Variants in CRB1 observed in about 807,000 individuals in gnomAD.
CRB1 encodes the protein protein crumbs homolog 1.
In CRB1, 83 loss-of-function variants were observed where a neutral mutation model predicts 120.0. The ratio of observed to expected loss-of-function variants is 0.69; its 90% confidence interval spans 0.58 to 0.83. The LOEUF is 0.83. Ranked by LOEUF, CRB1 falls within the 40% of genes least tolerant of loss-of-function variation. The pLI is 0.00. For missense variants in CRB1, 1,699 were observed against 1,687.6 expected, an observed-to-expected ratio of 1.01 and a Z score of -0.12; for synonymous variants, 625 against 612.5, an observed-to-expected ratio of 1.02 and a Z score of -0.30.
At chr1:197,275,281 C>G (rs985841754) in intron 1 of CRB1, among the ~76,000 whole-genome samples, 1 of 151,928 alleles carries the variant, frequency 6.6e-6, no homozygotes, top group Non-Finnish European at 1.5e-5. Flanking sequence ...TCTGACATAC[C>G]TTGGGGACAC....
intron 1 of CRB1, among the ~76,000 whole-genome samples, chr1:197,277,702 A>C (rs958348202): frequency 6.6e-6 from 1 of 151,992 alleles, no homozygotes; most frequent in African/African-American, 2.4e-5. Flanking sequence ...ATTAATTTTT[A>C]TATGAGTTGT....
At chr1:197,405,920 G>T (rs781137436) in intron 5 of CRB1, among the ~76,000 whole-genome samples, 1 of 151,004 alleles carries the variant, frequency 6.6e-6, no homozygotes, top group African/African-American at 2.4e-5. Context: ...GTCAGCCCCC[G>T]CCAGGCCAGC....
Position 197,427,459 on chromosome 1 carries a change from G to A in CRB1, c.2134G>A (p.Val712Met). 1.2e-6 allele frequency: 2 copies of A among 1,613,476 alleles called. No individual in the cohort carries two copies. Among genetic ancestry groups the A allele is most frequent in the Non-Finnish European group, 1.7e-6 (2 of 1,179,678 alleles). Residue 712 changes from valine (V) to methionine (M), a missense_variant, in exon 7 of 12, where the codon GTG becomes ATG. Physicochemically the swap from Val to Met is conservative, Grantham distance 21 (BLOSUM62 1). Transcript: ENST00000367400. ...CCTCTATTTTGACATTGAAGAGTAT[G>A]TGGCAGGCAGATTTGGCCAGGATGA... ...YEGPNCLREYVAGRFGQDDST... is the reference protein window; with the variant it reads ...YEGPNCLREYMAGRFGQDDST...
the CRB1 span, among the ~76,000 whole-genome samples, chr1:197,254,937 T>G: frequency 6.6e-6 from 1 of 152,112 alleles, no homozygotes; most frequent in Admixed American, 6.6e-5. Context: ...GGGTCTAATT[T>G]TTTTCATGTG....
chr1:197,368,461 T>C lies in CRB1; in HGVS notation c.1171+11448T>C, dbSNP rs564326385. On this transcript the variant is annotated intron_variant, in intron 5 of 11. Coordinates refer to ENST00000367400, the MANE Select transcript of CRB1 (RefSeq NM_201253.3). Reference sequence around the variant, plus strand: ...ACGCTTGTACTCCTTTTGATTTTACTATGTTAGCTGCAATAACTAGGACAG... The same window carrying C: ...ACGCTTGTACTCCTTTTGATTTTACCATGTTAGCTGCAATAACTAGGACAG... 7.0e-4 allele frequency among the ~76,000 whole-genome samples: 106 copies of C among 152,356 alleles called. 1 individual carries two copies. The highest frequency in any genetic ancestry group is 2.5e-3 in the African/African-American group (104 of 41,582).
At chr1:197,397,612 G>T (rs1052487068) in intron 5 of CRB1, among the ~76,000 whole-genome samples, 2 of 152,108 alleles carry the variant, frequency 1.3e-5, no homozygotes, top group African/African-American at 4.8e-5. Flanking sequence ...TCTTGCAATT[G>T]AATGCTACTC....
intron 4 of CRB1, among the ~76,000 whole-genome samples, chr1:197,353,831 A>AC (rs1189526037): frequency 6.6e-6 from 1 of 150,666 alleles, no homozygotes; most frequent in East Asian, 1.9e-4. Flanking sequence ...AAAAAAAAAA[A>AC]AAAAAACTTT....
At chr1:197,315,749 T>G (rs560021264) in intron 1 of CRB1, among the ~76,000 whole-genome samples, 1 of 152,384 alleles carries the variant, frequency 6.6e-6, no homozygotes, top group South Asian at 2.1e-4. Context: ...GTTCAGTTTA[T>G]TCAAAGTAAC....
chr1:197,334,566 A>G (rs1370824380), intron 2 of CRB1, among the ~76,000 whole-genome samples: 1 of 152,194 alleles, frequency 6.6e-6, no homozygotes, highest in African/African-American at 2.4e-5. Flanking sequence ...TGCAGCCTTC[A>G]TGGCACCATC....
Position 197,438,608 on chromosome 1 carries a change from G to A in CRB1, c.3811G>A (p.Gly1271Arg). The A allele has an allele frequency of 1.9e-6, 3 of 1,613,026 alleles. No homozygotes were observed. Among genetic ancestry groups the A allele is most frequent in the Non-Finnish European group, 2.5e-6 (3 of 1,179,170 alleles). Residue 1271 changes from glycine to arginine, a missense_variant, in exon 10 of 12, where the codon GGA becomes AGA. Gly to Arg is a moderately radical substitution (Grantham distance 125, BLOSUM62 -2). Transcript: ENST00000367400. ...NEKTNLTCYN[G>R]GNCTEFQTEL... ...GAAGACAAATCTCACTTGCTACAAT[G>A]GAGGCAACTGCACAGAGTTCCAGAC...
At chr1:197,266,359 A>T (rs779723824), upstream of CRB1, among the ~76,000 whole-genome samples, 2 of 152,082 alleles carry the variant, frequency 1.3e-5, no homozygotes, top group Non-Finnish European at 2.9e-5. Context: ...AGGGGCAAAT[A>T]AACTCCCTCA....
At chr1:197,432,393 CACACACACACAT>C (rs1321992071) in intron 8 of CRB1, among the ~76,000 whole-genome samples, 282 of 146,896 alleles carry the variant, frequency 1.9e-3, no homozygotes, top group African/African-American at 6.7e-3. Context: ...CACACACACA[CACACACACACAT>C]AGTAAAAAAC....
At chr1:197,355,920 G>A (rs563819876) in intron 4 of CRB1, among the ~76,000 whole-genome samples, 8 of 152,314 alleles carry the variant, frequency 5.3e-5, no homozygotes, top group South Asian at 4.1e-4. Flanking sequence ...CAGAGCGAGC[G>A]AGGGCTGCGA....
At chr1:197,339,869 T>C (rs1365069511) in intron 2 of CRB1, among the ~76,000 whole-genome samples, 2 of 152,222 alleles carry the variant, frequency 1.3e-5, no homozygotes, top group African/African-American at 4.8e-5. Context: ...GCTTTTGATT[T>C]ATGGCTTGTG....
At chr1:197,302,812 G>A (rs1202418417) in intron 1 of CRB1, among the ~76,000 whole-genome samples, 1 of 152,146 alleles carries the variant, frequency 6.6e-6, no homozygotes, top group East Asian at 1.9e-4. Context: ...ATCTGCTAGT[G>A]TTAGAAAACA....
At chr1:197,206,608 T>G in the CRB1 span, among the ~76,000 whole-genome samples, 3 of 152,102 alleles carry the variant, frequency 2.0e-5, no homozygotes, top group Non-Finnish European at 4.4e-5. Flanking sequence ...TCTGAAAGAG[T>G]ACTTTTATAA....
chr1:197,350,731 A>G (rs1308545297), intron 4 of CRB1, among the ~76,000 whole-genome samples: 1 of 152,202 alleles, frequency 6.6e-6, no homozygotes, highest in Non-Finnish European at 1.5e-5. Context: ...TAGCTTGATC[A>G]AAGAGGCACC....
At chr1:197,225,451 C>G in the CRB1 span, among the ~76,000 whole-genome samples, 1 of 152,260 alleles carries the variant, frequency 6.6e-6, no homozygotes, top group Non-Finnish European at 1.5e-5. Flanking sequence ...GCAGCTCTTT[C>G]CATCCCTCTC....
At chr1:197,443,731 A>T (rs899433529) in intron 11 of CRB1, 2 of 151,850 alleles carry the variant, frequency 1.3e-5, no homozygotes, top group African/African-American at 4.8e-5. Context: ...TAATGGATCT[A>T]TAAAGTATAC....
Sources: allele counts gnomAD v4.1 joint callset (sites outside exome capture counted in the v4.1 genomes callset), GRCh38; gene constraint gnomAD v4.1.1; transcripts MANE v1.5; gene names NCBI Gene and HGNC (gene_info 2026-07-23, HGNC 2026-07-21).